The following SREBF1 variants were observed in gnomAD, a reference collection of about 807,000 sequenced individuals.
SREBF1 encodes sterol regulatory element-binding protein 1.
Under a neutral mutation model 100.1 loss-of-function variants are expected in SREBF1, and 45 were observed. The observed-to-expected ratio is 0.45, with a 90% CI of 0.35 to 0.58. The LOEUF (loss-of-function observed/expected upper bound fraction) is 0.58, where lower values mean the gene tolerates loss of function less well. Ranked by LOEUF, SREBF1 falls within the 20% of genes least tolerant of loss-of-function variation. The pLI is 0.00. For missense variants in SREBF1, 1,324 were observed against 1,539.4 expected, an observed-to-expected ratio of 0.86 and a Z score of 2.34; for synonymous variants, 657 against 681.8, an observed-to-expected ratio of 0.96 and a Z score of 0.57.
chr17:17,821,491 C>G (rs2034099082), intron 1 of SREBF1, among the ~76,000 whole-genome samples: 1 of 152,154 alleles, frequency 6.6e-6, no homozygotes, highest in African/African-American at 2.4e-5. Flanking sequence ...CACACCCCAC[C>G]ATTGGCCACT....
At chr17:17,813,345 C>A in intron 18 of SREBF1, 23 bp downstream of exon 18, 1 of 1,570,748 alleles carries the variant, frequency 6.4e-7, no homozygotes, top group Non-Finnish European at 8.6e-7. Flanking sequence ...CAGCACATCC[C>A]TGGTCAGCAG....
chr17:17,812,787 G>C lies in SREBF1; in HGVS notation c.3279C>G (p.Ala1093=). 1 of 1,525,716 alleles carries C rather than the reference G, an allele frequency of 6.6e-7. No individual in the cohort carries two copies. The highest frequency in any genetic ancestry group is 8.8e-7 in the Non-Finnish European group (1 of 1,137,396). 94.5% of individuals were successfully genotyped at this position (1,525,716 alleles called of 1,614,324 possible). A position where few individuals can be genotyped will look rare whatever the true frequency, so the allele number is the denominator to read the frequency against. The part of the protein sequence containing the change: ...RREHAEALLL[A]SCYLPPGFLS... ...GGAAGCCGGGGGGCAGGTAGCAGGA[G>C]GCCAGCAGCAAGGCCTCCGCGTGCT... The change falls in exon 19 of 19, where the codon GCC becomes GCG. Residue 1093 remains alanine, a synonymous_variant. Transcript: ENST00000261646.
At position 17,814,877 on chromosome 17, in the gene SREBF1, C is replaced by G. The variant is rs775933323; in HGVS notation, c.2560G>C (p.Ala854Pro). ...CTGGAACTGATGGAGAAGCTGTAGG[C>G]AGGAGCCCCCGCAGCATCAGAACAG... ...NSCSDAAGAP[A>P]YSFSISSSMA... Residue 854 changes from alanine to proline, a missense_variant, in exon 14 of 19, where the codon GCC becomes CCC. Transcript: ENST00000261646. The G allele has an allele frequency of 2.5e-6, 4 of 1,588,356 alleles. No homozygotes were observed. In the South Asian group the frequency reaches 4.6e-5, roughly 18 times the overall value.
intron 16 of SREBF1, 91 bp from the exon 17 acceptor site, chr17:17,813,860 C>T (rs1175344913): frequency 7.5e-7 from 1 of 1,332,726 alleles, no homozygotes; most frequent in Non-Finnish European, 1.0e-6. Flanking sequence ...CGGCTCCGGG[C>T]TGCACTGCCG....
chr17:17,834,021 A>AAC (rs1288811430), intron 1 of SREBF1, among the ~76,000 whole-genome samples: 2 of 148,698 alleles, frequency 1.3e-5, no homozygotes, highest in African/African-American at 5.1e-5. Context: ...AACACATATA[A>AAC]ACACACAGAG....
chr17:17,827,694 C>T lies in SREBF1; in HGVS notation c.92-7173G>A, dbSNP rs144506262. On this transcript the variant is annotated intron_variant, in intron 1 of 18. Coordinates refer to ENST00000261646, the MANE Select transcript of SREBF1 (RefSeq NM_004176.5). ...CCTCTTGAGGAAACTAAGGCTCAGA[C>T]GGAGGCCTCGTGCCCAAAGTCCCAC... Among the ~76,000 whole-genome samples, 874 of 152,196 alleles carry T rather than the reference C, an allele frequency of 5.7e-3. 7 individuals carry two copies. The highest frequency in any genetic ancestry group is 0.02 in the Middle Eastern group (6 of 294).
intron 1 of SREBF1, chr17:17,821,001 G>A (rs2034058329): frequency 5.3e-6 from 1 of 189,950 alleles, no homozygotes; most frequent in African/African-American, 2.3e-5. Flanking sequence ...ACTGCTCCCG[G>A]CTGTGAATAA....
At chr17:17,822,545 G>A (rs2034173962) in intron 1 of SREBF1, among the ~76,000 whole-genome samples, 1 of 152,212 alleles carries the variant, frequency 6.6e-6, no homozygotes, top group African/African-American at 2.4e-5. Context: ...CTGGTGACTA[G>A]CAGCCTATCT....
At chr17:17,830,192 ATTTG>A (rs2034770853) in intron 1 of SREBF1, among the ~76,000 whole-genome samples, 1 of 151,560 alleles carries the variant, frequency 6.6e-6, no homozygotes, top group South Asian at 2.1e-4. Context: ...CTAAATGGTG[ATTTG>A]TTTGTTTTCT....
intron 12 of SREBF1, 131 bp downstream of exon 12, chr17:17,815,729 C>G: frequency 9.7e-7 from 1 of 1,026,792 alleles, no homozygotes; most frequent in Non-Finnish European, 1.5e-6. Context: ...CCTGCAACCC[C>G]CACAGCAACA....
At chr17:17,821,850 C>T (rs1318933352) in intron 1 of SREBF1, among the ~76,000 whole-genome samples, 1 of 152,252 alleles carries the variant, frequency 6.6e-6, no homozygotes, top group Non-Finnish European at 1.5e-5. Context: ...AAGGGTGGGT[C>T]TGGTCCAAAA....
At chr17:17,829,442 C>G (rs964601793) in intron 1 of SREBF1, among the ~76,000 whole-genome samples, 1 of 151,894 alleles carries the variant, frequency 6.6e-6, no homozygotes, top group Non-Finnish European at 1.5e-5. Flanking sequence ...CTAGCATCAC[C>G]GGCACTGGGT....
At position 17,824,629 on chromosome 17, in the gene SREBF1, T is replaced by A. The variant is rs9899634; in HGVS notation, c.92-4108A>T. 0.51 allele frequency among the ~76,000 whole-genome samples: 77,928 copies of A among 151,972 alleles called. 21,402 individuals carry two copies. The highest frequency in any genetic ancestry group is 0.63 in the Non-Finnish European group (42,930 of 67,952). The stretch of plus-strand genomic sequence containing the variant: ...CACAAAGTGATCAGAGCCTGGCCAG[T>A]TGATTTTGCAGCCAAGTAGACCACC... On this transcript the variant is annotated intron_variant, in intron 1 of 18. Coordinates refer to ENST00000261646, the MANE Select transcript of SREBF1 (RefSeq NM_004176.5). This position sits in a 1 kb window ranked among gnomAD's most constrained non-coding sequence, Gnocchi z 4.2.
Position 17,816,966 on chromosome 17 carries a change from G to C in SREBF1, c.1777C>G (p.Leu593Val), listed in dbSNP as rs1598117960. 6.2e-7 allele frequency: 1 copy of C among 1,613,006 alleles called. No homozygotes were observed. The highest frequency in any genetic ancestry group is 8.5e-7 in the Non-Finnish European group (1 of 1,180,042). The change falls in exon 9 of 19, where the codon CTG becomes GTG. Residue 593 changes from leucine to valine, a missense_variant. Transcript: ENST00000261646. Reference sequence around the variant, plus strand: ...CGGGGCCAGCCCCTTACCCGGGCCAGGTCCAGGTCAGCCTGCTTGCGATGC... The same window carrying C: ...CGGGGCCAGCCCCTTACCCGGGCCACGTCCAGGTCAGCCTGCTTGCGATGC... ...WRHRKQADLDLARGDFAQAAQ... is the reference protein window; with the variant it reads ...WRHRKQADLDVARGDFAQAAQ...
At position 17,812,207 on chromosome 17, in the gene SREBF1, G is replaced by T; in HGVS notation, c.*415C>A. 1 of 401,430 alleles carries T rather than the reference G, an allele frequency of 2.5e-6. No individual in the cohort carries two copies. 24.9% of individuals were successfully genotyped at this position (401,430 alleles called of 1,614,324 possible). On this transcript the variant is annotated 3_prime_UTR_variant, in exon 19 of 19. Transcript: ENST00000261646. The stretch of plus-strand genomic sequence containing the variant: ...GCACGCTGACCTACACTATGTACAC[G>T]TCTCTCTCCCACGACGGAGAGAGAG...
At chr17:17,834,780 T>C (rs1312050826) in intron 1 of SREBF1, among the ~76,000 whole-genome samples, 1 of 152,204 alleles carries the variant, frequency 6.6e-6, no homozygotes, top group East Asian at 1.9e-4. Context: ...TTTGGGAGGC[T>C]GAGGCGGGCG....
chr17:17,828,399 C>G (rs982161831), intron 1 of SREBF1, among the ~76,000 whole-genome samples: 4 of 152,220 alleles, frequency 2.6e-5, no homozygotes, highest in Admixed American at 1.3e-4. Flanking sequence ...TTCCTCCTCC[C>G]CACTAGGCTC....
intron 1 of SREBF1, chr17:17,820,956 TGTGCTGA>T (rs1424340445): frequency 1.1e-5 from 3 of 265,042 alleles, no homozygotes; most frequent in Middle Eastern, 1.3e-3. Flanking sequence ...CCAGTGAGCA[TGTGCTGA>T]GTGCTGAGTG....
At chr17:17,828,040 C>T (rs1307964846) in intron 1 of SREBF1, among the ~76,000 whole-genome samples, 2 of 152,198 alleles carry the variant, frequency 1.3e-5, no homozygotes, top group Non-Finnish European at 2.9e-5. Context: ...AGGGCCTGAA[C>T]CAGCTGTGAC....
Sources: gnomAD v4.1 joint callset for allele counts (sites outside exome capture counted in the v4.1 genomes callset) on GRCh38, gnomAD v4.1.1 for gene constraint, Gnocchi (gnomAD v3.1) non-coding constraint, MANE v1.5 for transcripts, NCBI Gene and HGNC (gene_info 2026-07-23, HGNC 2026-07-21) for gene names.